SDK1: variants seen among roughly 807,000 people sequenced by gnomAD.
SDK1 encodes the protein protein sidekick-1.
SDK1 carries 157 observed loss-of-function variants against 245.5 expected under a neutral mutation model. That is an observed-to-expected ratio of 0.64 (90% confidence interval 0.56 to 0.73). The LOEUF is 0.73. Ranked by LOEUF, SDK1 falls within the 30% of genes least tolerant of loss-of-function variation. The pLI is 0.00. For synonymous variants in SDK1, 1,647 were observed against 1,278.5 expected, an observed-to-expected ratio of 1.29 and a Z score of -6.15; for missense variants, 3,583 against 3,002.3, an observed-to-expected ratio of 1.19 and a Z score of -4.52.
At chr7:3,670,964 C>T (rs1783683572) in intron 4 of SDK1, among the ~76,000 whole-genome samples, 1 of 152,204 alleles carries the variant, frequency 6.6e-6, no homozygotes, top group African/African-American at 2.4e-5. Context: ...TCTTACAGCA[C>T]ATCCTGTAAC....
chr7:3,831,077 A>G (rs1562476431), intron 5 of SDK1, among the ~76,000 whole-genome samples: 1 of 152,198 alleles, frequency 6.6e-6, no homozygotes. Context: ...TTTGGAGGGC[A>G]CAAACAAGGG....
At chr7:3,823,906 A>G (rs1562470702) in intron 5 of SDK1, among the ~76,000 whole-genome samples, 1 of 151,508 alleles carries the variant, frequency 6.6e-6, no homozygotes. Context: ...TACGGGATTT[A>G]CGTAAATGTT....
At chr7:4,021,658 C>T (rs1340644233) in intron 17 of SDK1, among the ~76,000 whole-genome samples, 1 of 152,212 alleles carries the variant, frequency 6.6e-6, no homozygotes, top group Non-Finnish European at 1.5e-5. Context: ...AGGAGAAAGC[C>T]TCAGGGTTGT....
intron 19 of SDK1, among the ~76,000 whole-genome samples, chr7:4,053,101 A>C (rs1778980312): frequency 6.6e-6 from 1 of 151,768 alleles, no homozygotes; most frequent in African/African-American, 2.4e-5. Flanking sequence ...AAAAAAAAAA[A>C]AAAAAAATTA....
At chr7:3,706,563 G>A (rs937497526) in intron 4 of SDK1, among the ~76,000 whole-genome samples, 2 of 151,980 alleles carry the variant, frequency 1.3e-5, no homozygotes, top group Admixed American at 6.6e-5. Flanking sequence ...CACCACACCC[G>A]GCTAATTTTT....
intron 1 of SDK1, among the ~76,000 whole-genome samples, chr7:3,505,003 C>T (rs760962746): frequency 1.3e-5 from 2 of 152,090 alleles, no homozygotes; most frequent in Admixed American, 6.5e-5. Flanking sequence ...ATATAAAATG[C>T]CCAGTGGTGA....
intron 1 of SDK1, chr7:3,302,582 G>C (rs1779304245): frequency 6.6e-6 from 1 of 151,982 alleles, no homozygotes; most frequent in Non-Finnish European, 1.5e-5. Context: ...TGTGAAACGA[G>C]CTTTCCTTCC....
intron 4 of SDK1, among the ~76,000 whole-genome samples, chr7:3,730,356 T>A (rs1348505741): frequency 6.6e-6 from 1 of 152,192 alleles, no homozygotes; most frequent in African/African-American, 2.4e-5. Context: ...TCAGCCCTGG[T>A]GAGAGTAGGA....
chr7:4,018,257 T>A (rs1786581518), intron 17 of SDK1, among the ~76,000 whole-genome samples: 1 of 152,258 alleles, frequency 6.6e-6, no homozygotes, highest in African/African-American at 2.4e-5. Flanking sequence ...CTTGACCTTT[T>A]TCAGATGACA....
At chr7:3,675,244 T>G (rs1425491763) in intron 4 of SDK1, among the ~76,000 whole-genome samples, 1 of 152,206 alleles carries the variant, frequency 6.6e-6, no homozygotes, top group African/African-American at 2.4e-5. Flanking sequence ...CAGAAAAACC[T>G]GTTAGCTTTC....
chr7:3,967,355 C>T lies in SDK1; in HGVS notation c.1467C>T (p.Thr489=), dbSNP rs1240854779. Residue 489 remains threonine (T), a synonymous_variant, in exon 10 of 45, where the codon ACC becomes ACT. Transcript: ENST00000404826. ...TGTTCACCCAGCGGCCAGTGGACAC[C>T]ACAGTTACTGACGGGATGACAGCCA... ...APVFTQRPVD[T]TVTDGMTAIL... The T allele has an allele frequency of 1.9e-6, 3 of 1,614,004 alleles. No individual in the cohort carries two copies. Among genetic ancestry groups the T allele is most frequent in the Admixed American group, 1.7e-5 (1 of 59,998 alleles).
rs1350731154 is a variant in SDK1, at chr7:4,221,248, G to T, written c.5711G>T (p.Gly1904Val). The change falls in exon 40 of 45, where the codon GGC (glycine) becomes GTC (valine). Residue 1904 changes from glycine (G) to valine (V), a missense_variant. Coordinates refer to ENST00000404826, the MANE Select transcript of SDK1 (RefSeq NM_152744.4). ...CTTCTTTATCCCGCAGGATCCCCGG[G>T]CTCGCCTAGAGATGTCCTGGTCACC... ...ITAGPAEGSP[G>V]SPRDVLVTKS... 1.2e-6 allele frequency: 2 copies of T among 1,613,292 alleles called. No individual in the cohort carries two copies. The highest frequency in any genetic ancestry group is 2.7e-5 in the African/African-American group (2 of 74,892).
At chr7:3,962,926 AT>A in intron 9 of SDK1, 75 bp downstream of exon 9, 1 of 660,730 alleles carries the variant, frequency 1.5e-6, no homozygotes, top group African/African-American at 2.5e-5. Flanking sequence ...GGCTACCTGG[AT>A]GTAACCAGTG....
intron 14 of SDK1, among the ~76,000 whole-genome samples, chr7:4,010,343 G>A (rs1785840806): frequency 1.3e-5 from 2 of 152,200 alleles, no homozygotes; most frequent in Non-Finnish European, 1.5e-5. Context: ...GCCGGCAAGA[G>A]TGCATTTGGC....
At chr7:3,393,532 T>G (rs1378764502) in intron 1 of SDK1, among the ~76,000 whole-genome samples, 2 of 152,154 alleles carry the variant, frequency 1.3e-5, no homozygotes, top group Non-Finnish European at 2.9e-5. Flanking sequence ...GAAAAACAAC[T>G]CAAGGGAATA....
intron 1 of SDK1, among the ~76,000 whole-genome samples, chr7:3,415,723 G>GTA (rs962032447): frequency 3.3e-4 from 49 of 148,870 alleles, no homozygotes; most frequent in Middle Eastern, 3.6e-3. Context: ...ATATATAAAT[G>GTA]TATATATATA....
intron 5 of SDK1, among the ~76,000 whole-genome samples, chr7:3,898,914 A>T (rs1781691612): frequency 6.6e-6 from 1 of 152,220 alleles, no homozygotes; most frequent in African/African-American, 2.4e-5. Flanking sequence ...ACCTTTAAAT[A>T]AATGTATTTT....
chr7:3,813,042 A>G (rs1410968280), intron 4 of SDK1, among the ~76,000 whole-genome samples: 2 of 152,238 alleles, frequency 1.3e-5, no homozygotes, highest in African/African-American at 4.8e-5. Context: ...GCGACTTAAC[A>G]TGTACTGAGC....
chr7:3,920,860 T>A (rs926761616), intron 5 of SDK1, among the ~76,000 whole-genome samples: 1 of 152,138 alleles, frequency 6.6e-6, no homozygotes. Context: ...GATCTCGCAA[T>A]TGAGTGCTGA....
Sources: gnomAD v4.1 joint callset for allele counts (sites outside exome capture counted in the v4.1 genomes callset) on GRCh38, gnomAD v4.1.1 for gene constraint, MANE v1.5 for transcripts, NCBI Gene and HGNC (gene_info 2026-07-23, HGNC 2026-07-21) for gene names.